The following ALG14 variants were observed in gnomAD, a reference collection of about 807,000 sequenced individuals.
ALG14 encodes the protein ALG14 UDP-N-acetylglucosaminyltransferase subunit.
In ALG14, 17 loss-of-function variants were observed where a neutral mutation model predicts 22.8. That is an observed-to-expected ratio of 0.75 (90% confidence interval 0.51 to 1.12). The LOEUF (loss-of-function observed/expected upper bound fraction) is 1.12, where lower values mean the gene tolerates loss of function less well. Ranked by LOEUF, ALG14 falls within the 50% of genes most tolerant of loss-of-function variation. The pLI, the probability that ALG14 is intolerant of heterozygous loss-of-function variation, is 0.00. For synonymous variants in ALG14, 89 were observed against 103.7 expected, an observed-to-expected ratio of 0.86 and a Z score of 0.86; for missense variants, 288 against 271.8, an observed-to-expected ratio of 1.06 and a Z score of -0.42.
At chr1:94,987,183 C>A (rs1327149266) in intron 3 of ALG14, among the ~76,000 whole-genome samples, 3 of 152,168 alleles carry the variant, frequency 2.0e-5, no homozygotes, top group Non-Finnish European at 4.4e-5. Context: ...GGCAGCATTA[C>A]GATCCATGAA....
At chr1:95,051,682 C>G (rs2100815169) in intron 2 of ALG14, among the ~76,000 whole-genome samples, 1 of 152,306 alleles carries the variant, frequency 6.6e-6, no homozygotes, top group East Asian at 1.9e-4. Context: ...TTCGCTTTGG[C>G]TACATGGACT....
intron 3 of ALG14, among the ~76,000 whole-genome samples, chr1:94,995,854 C>A (rs1235888366): frequency 6.6e-6 from 1 of 152,210 alleles, no homozygotes; most frequent in Non-Finnish European, 1.5e-5. Context: ...TCACACATTT[C>A]CCAAAATCCT....
rs1672404817 is a variant in ALG14 at position 94,976,786 on chromosome 1, A to C, written c.*6290T>G. The C allele has an allele frequency of 6.6e-6, 1 of 152,178 alleles. No individual in the cohort carries two copies. The highest frequency in any genetic ancestry group is 2.1e-4 in the South Asian group (1 of 4,830). The allele number at this position is 152,178 out of a possible 1,614,324, so 9.4% of individuals were successfully genotyped here. ...CCGTTAGTATGGGTGGGATCTGTGA[A>C]TATCATGACATGTCATTCCTCTGAT... On this transcript the variant is annotated 3_prime_UTR_variant, in exon 4 of 4. Transcript: ENST00000370205.
At chr1:95,017,505 G>A (rs1002654065) in intron 3 of ALG14, among the ~76,000 whole-genome samples, 1 of 152,128 alleles carries the variant, frequency 6.6e-6, no homozygotes, top group Non-Finnish European at 1.5e-5. Flanking sequence ...GGGTCTTTGT[G>A]ACAAAAACAG....
At chr1:95,027,337 T>C in intron 2 of ALG14, 77 bp from the exon 3 acceptor site, 2 of 1,500,920 alleles carry the variant, frequency 1.3e-6, no homozygotes, top group South Asian at 2.4e-5. Flanking sequence ...TTAACAGCTG[T>C]AGAAACAGAA....
intron 3 of ALG14, among the ~76,000 whole-genome samples, chr1:95,002,783 G>A (rs1427877326): frequency 2.0e-5 from 3 of 152,188 alleles, no homozygotes; most frequent in African/African-American, 7.2e-5. Flanking sequence ...AGCTCAGCAG[G>A]ACTCTGTAAT....
intron 3 of ALG14, among the ~76,000 whole-genome samples, chr1:94,985,819 T>A (rs1305089933): frequency 1.3e-5 from 2 of 151,790 alleles, no homozygotes; most frequent in Admixed American, 1.3e-4. Context: ...CTCTCTTGCA[T>A]CCGTATATTT....
chr1:95,067,736 T>A (rs1182753762), intron 1 of ALG14, among the ~76,000 whole-genome samples: 1 of 152,188 alleles, frequency 6.6e-6, no homozygotes, highest in East Asian at 1.9e-4. Context: ...CCTGACCCAC[T>A]TCCCCTTCAG....
chr1:95,017,560 T>A (rs1407972784), intron 3 of ALG14, among the ~76,000 whole-genome samples: 1 of 151,980 alleles, frequency 6.6e-6, no homozygotes, highest in Non-Finnish European at 1.5e-5. Context: ...GGCTTCAACA[T>A]GATCCCAATG....
chr1:95,033,690 C>A (rs182456031), intron 2 of ALG14, among the ~76,000 whole-genome samples: 2 of 152,052 alleles, frequency 1.3e-5, no homozygotes, highest in South Asian at 2.1e-4. Context: ...AGGAGGCTGC[C>A]CCCATGTTTC....
intron 3 of ALG14, among the ~76,000 whole-genome samples, chr1:95,017,313 A>C (rs983355434): frequency 3.9e-5 from 6 of 152,130 alleles, no homozygotes; most frequent in Non-Finnish European, 8.8e-5. Context: ...TGCTTCCTAC[A>C]GTCAACTGCA....
intron 2 of ALG14, among the ~76,000 whole-genome samples, chr1:95,056,154 GA>G (rs200232695): frequency 4.0e-5 from 6 of 151,004 alleles, no homozygotes; most frequent in African/African-American, 1.5e-4. Context: ...ATTAGAAGCA[GA>G]AAAAAAAAGA....
At chr1:95,065,991 C>T (rs1675347261) in intron 1 of ALG14, among the ~76,000 whole-genome samples, 1 of 152,100 alleles carries the variant, frequency 6.6e-6, no homozygotes, top group African/African-American at 2.4e-5. Flanking sequence ...CTATCACACC[C>T]ATTTCAGTCT....
At chr1:95,027,671 T>C (rs1444639835) in intron 2 of ALG14, among the ~76,000 whole-genome samples, 1 of 152,224 alleles carries the variant, frequency 6.6e-6, no homozygotes, top group Non-Finnish European at 1.5e-5. Context: ...TGTAAAAAGA[T>C]GGCTAACAAG....
chr1:95,004,069 C>G (rs538755400), intron 3 of ALG14, among the ~76,000 whole-genome samples: 98 of 152,182 alleles, frequency 6.4e-4, no homozygotes, highest in South Asian at 2.3e-3. Flanking sequence ...TTCCCAATAT[C>G]TTTATGAGGT....
intron 1 of ALG14, among the ~76,000 whole-genome samples, chr1:95,065,959 T>A (rs1675345711): frequency 6.6e-6 from 1 of 152,130 alleles, no homozygotes; most frequent in African/African-American, 2.4e-5. Flanking sequence ...AGCACAACAG[T>A]CAAACTCCTT....
intron 3 of ALG14, among the ~76,000 whole-genome samples, chr1:95,020,166 G>A (rs1340945811): frequency 6.6e-6 from 1 of 151,636 alleles, no homozygotes; most frequent in Non-Finnish European, 1.5e-5. Context: ...GCAGTGAGCC[G>A]AGATCATATC....
chr1:95,062,928 C>T (rs1675216756), intron 2 of ALG14, among the ~76,000 whole-genome samples: 1 of 152,172 alleles, frequency 6.6e-6, no homozygotes, highest in South Asian at 2.1e-4. Context: ...ACTGTAAAAG[C>T]ATTCCTTTTT....
At chr1:95,041,091 C>A (rs185750853) in intron 2 of ALG14, among the ~76,000 whole-genome samples, 5 of 152,302 alleles carry the variant, frequency 3.3e-5, no homozygotes, top group African/African-American at 4.8e-5. Flanking sequence ...AAATAAGAAT[C>A]TATTCACTGA....
Sources: allele counts gnomAD v4.1 joint callset (sites outside exome capture counted in the v4.1 genomes callset), GRCh38; gene constraint gnomAD v4.1.1; transcripts MANE v1.5; gene names NCBI Gene and HGNC (gene_info 2026-07-23, HGNC 2026-07-21).